Variants in LMBR1 observed in about 807,000 individuals in gnomAD.
LMBR1 encodes limb region 1 protein homolog.
In LMBR1, 52 loss-of-function variants were observed where a neutral mutation model predicts 73.9. That is an observed-to-expected ratio of 0.70 (90% CI 0.56 to 0.89). The LOEUF (loss-of-function observed/expected upper bound fraction) is 0.89. Among genes scored for constraint, LMBR1 ranks in the 40% least tolerant of loss-of-function variants. The pLI, the probability that LMBR1 is intolerant of heterozygous loss-of-function variation, is 0.00. For synonymous variants in LMBR1, 215 were observed against 209.4 expected, an observed-to-expected ratio of 1.03 and a Z score of -0.23; for missense variants, 539 against 579.8, an observed-to-expected ratio of 0.93 and a Z score of 0.72.
chr7:156,716,464 T>C (rs1011767945), intron 15 of LMBR1, among the ~76,000 whole-genome samples: 1 of 152,148 alleles, frequency 6.6e-6, no homozygotes, highest in Non-Finnish European at 1.5e-5. Flanking sequence ...GAAAGAGAAT[T>C]ATAATTAGAG....
intron 3 of LMBR1, among the ~76,000 whole-genome samples, chr7:156,830,398 G>A (rs1232522284): frequency 1.3e-5 from 2 of 152,040 alleles, no homozygotes; most frequent in African/African-American, 4.8e-5. Flanking sequence ...ACATCTTAAA[G>A]TTTAACAGGT....
intron 15 of LMBR1, among the ~76,000 whole-genome samples, chr7:156,718,862 C>CTT (rs141231287): frequency 3.4e-5 from 5 of 145,010 alleles, no homozygotes; most frequent in East Asian, 2.0e-4. Flanking sequence ...TTTCAAGTTA[C>CTT]TTTTTTTTTT....
chr7:156,801,990 CT>C (rs1031182696), intron 4 of LMBR1, among the ~76,000 whole-genome samples: 5 of 149,978 alleles, frequency 3.3e-5, no homozygotes, highest in East Asian at 3.9e-4. Context: ...ATTTCCTAAC[CT>C]TTTTTTTTTC....
At chr7:156,866,407 T>C (rs1182233554) in intron 1 of LMBR1, among the ~76,000 whole-genome samples, 2 of 151,600 alleles carry the variant, frequency 1.3e-5, no homozygotes, top group East Asian at 1.9e-4. Context: ...CAGGGGCCAG[T>C]TGTAGATGCT....
In LMBR1 at chr7:156,680,861, C is replaced by A; in HGVS notation, c.*3217G>T. ...AACAAATAAACCCCACATATAAATG[C>A]TTATAAACCAAATATGAAATCACTT... On this transcript the variant is annotated 3_prime_UTR_variant, in exon 17 of 17. Transcript: ENST00000353442. 1 of 229,748 alleles carries A rather than the reference C, an allele frequency of 4.4e-6. No homozygotes were observed. The allele number at this position is 229,748 out of a possible 1,614,324, so 14.2% of individuals were successfully genotyped here.
Position 156,865,600 on chromosome 7 carries a change from G to A in LMBR1, c.66+27328C>T, listed in dbSNP as rs529432830. Among the ~76,000 whole-genome samples, 6 of 152,176 alleles carry A rather than the reference G, an allele frequency of 3.9e-5. No individual in the cohort carries two copies. The South Asian group carries it at 1.2e-3, about 32-fold the overall frequency. On this transcript the variant is annotated intron_variant, in intron 1 of 16. Coordinates refer to ENST00000353442, the MANE Select transcript of LMBR1 (RefSeq NM_022458.4). ...GCTTATCCTAAATTCACATGAAAAC[G>A]GAACAAATCCAGAAAAATCAGACAA... is the stretch of plus-strand genomic sequence containing the variant.
At chr7:156,757,813 C>T (rs1320399758) in intron 8 of LMBR1, among the ~76,000 whole-genome samples, 1 of 152,200 alleles carries the variant, frequency 6.6e-6, no homozygotes, top group Non-Finnish European at 1.5e-5. Flanking sequence ...TTATTTGAAG[C>T]AATCCAATAA....
chr7:156,878,328 T>C (rs1800528586), intron 1 of LMBR1, among the ~76,000 whole-genome samples: 1 of 152,222 alleles, frequency 6.6e-6, no homozygotes, highest in African/African-American at 2.4e-5. Context: ...AAGTAGCTCC[T>C]AAAACTGATA....
chr7:156,676,237 A>ATG (rs140092411), downstream of LMBR1: 497 of 1,349,760 alleles, frequency 3.7e-4, 1 homozygote, highest in African/African-American at 4.3e-4. Context: ...AACAGAGTAT[A>ATG]TGTGTGTGTA....
chr7:156,783,996 C>G (rs75304171), intron 5 of LMBR1, among the ~76,000 whole-genome samples: 6 of 135,654 alleles, frequency 4.4e-5, no homozygotes, highest in African/African-American at 1.5e-4. Flanking sequence ...GGGTTTTTTT[C>G]TGTTTTTTTT....
intron 5 of LMBR1, among the ~76,000 whole-genome samples, chr7:156,795,407 A>G (rs1402119794): frequency 6.6e-6 from 1 of 152,252 alleles, no homozygotes; most frequent in African/African-American, 2.4e-5. Context: ...TATAAAGAGC[A>G]TAATAACTGC....
intron 1 of LMBR1, among the ~76,000 whole-genome samples, chr7:156,889,596 G>T (rs1802540845): frequency 2.0e-5 from 3 of 152,128 alleles, no homozygotes. Context: ...ACCAGCCAGG[G>T]GTACTGGGTT....
At chr7:156,751,154 G>A (rs1820804319) in intron 9 of LMBR1, among the ~76,000 whole-genome samples, 1 of 152,052 alleles carries the variant, frequency 6.6e-6, no homozygotes, top group Non-Finnish European at 1.5e-5. Flanking sequence ...TCATGTTCTA[G>A]TGTGGAGAGA....
rs117719790 is a variant in LMBR1, at chr7:156,739,838, C to T, written c.758-5581G>A. Among the ~76,000 whole-genome samples the T allele has an allele frequency of 4.0e-3, 613 of 152,262 alleles. 1 individual carries two copies. The highest frequency in any genetic ancestry group is 6.7e-3 in the Non-Finnish European group (454 of 68,022). On this transcript the variant is annotated intron_variant, in intron 9 of 16. Transcript: ENST00000353442. ...AATACTTAACTCTTCAATGCCCAGACACTGACGAATATCCACAAGCGTCAA... is the reference window on the plus strand; with the variant it reads ...AATACTTAACTCTTCAATGCCCAGATACTGACGAATATCCACAAGCGTCAA...
intron 4 of LMBR1, among the ~76,000 whole-genome samples, chr7:156,810,310 G>A (rs1832872041): frequency 6.6e-6 from 1 of 152,160 alleles, no homozygotes; most frequent in African/African-American, 2.4e-5. Context: ...CACCTCCCGG[G>A]AGGGAATTCA....
chr7:156,782,501 T>C (rs952366546), intron 5 of LMBR1, among the ~76,000 whole-genome samples: 2 of 152,174 alleles, frequency 1.3e-5, no homozygotes, highest in Admixed American at 1.3e-4. Context: ...GTTTGGCTAG[T>C]AGTCATCCTA....
chr7:156,716,974 C>CA (rs771717548), intron 15 of LMBR1, among the ~76,000 whole-genome samples: 6 of 151,890 alleles, frequency 4.0e-5, no homozygotes, highest in Non-Finnish European at 8.8e-5. Flanking sequence ...CCCATCTCTA[C>CA]AAAAAATTAA....
intron 4 of LMBR1, among the ~76,000 whole-genome samples, chr7:156,817,872 A>G (rs1026175908): frequency 6.6e-6 from 1 of 152,164 alleles, no homozygotes; most frequent in East Asian, 1.9e-4. Context: ...GTATCTCTGT[A>G]TATCAACAAA....
intron 1 of LMBR1, among the ~76,000 whole-genome samples, chr7:156,890,194 G>A (rs1586501660): frequency 6.6e-6 from 1 of 151,976 alleles, no homozygotes; most frequent in South Asian, 2.1e-4. Flanking sequence ...AAATAAATTC[G>A]AAATAGATTG....
Sources: gnomAD v4.1 joint callset for allele counts (sites outside exome capture counted in the v4.1 genomes callset) on GRCh38, gnomAD v4.1.1 for gene constraint, MANE v1.5 for transcripts, NCBI Gene and HGNC (gene_info 2026-07-23, HGNC 2026-07-21) for gene names.